The following FARS2 variants were observed in gnomAD, a reference collection of about 807,000 sequenced individuals.
FARS2 encodes phenylalanine--tRNA ligase, mitochondrial.
A neutral mutation model predicts 46.4 loss-of-function variants in FARS2; 40 were observed. That is an observed-to-expected ratio of 0.86 (90% CI 0.67 to 1.12). The LOEUF (loss-of-function observed/expected upper bound fraction) is 1.12. FARS2 is among the 50% of genes most tolerant of loss of function. FARS2 has a pLI of 0.00. For missense variants in FARS2, 513 were observed against 567.9 expected (o/e 0.90, Z 0.98); for synonymous variants, 234 against 214.9 (o/e 1.09, Z -0.78).
chr6:5,291,786 G>A (rs568876703), intron 1 of FARS2, among the ~76,000 whole-genome samples: 16 of 151,838 alleles, frequency 1.1e-4, no homozygotes, highest in African/African-American at 3.9e-4. Flanking sequence ...ATTAAATATT[G>A]AATATATTTA....
At chr6:5,317,960 A>C (rs1273416986) in intron 1 of FARS2, among the ~76,000 whole-genome samples, 1 of 151,960 alleles carries the variant, frequency 6.6e-6, no homozygotes, top group Non-Finnish European at 1.5e-5. Flanking sequence ...GGAAAGGAGC[A>C]ACATATAGGC....
intron 6 of FARS2, among the ~76,000 whole-genome samples, chr6:5,694,636 T>G (rs1309941558): frequency 4.6e-5 from 7 of 152,152 alleles, no homozygotes; most frequent in African/African-American, 1.7e-4. Context: ...TATATTTCTC[T>G]CTATGTTCTA....
At chr6:5,469,374 C>T (rs1037658940) in intron 4 of FARS2, among the ~76,000 whole-genome samples, 27 of 152,370 alleles carry the variant, frequency 1.8e-4, no homozygotes, top group African/African-American at 6.3e-4. Context: ...ACTTCATATC[C>T]CTGCTGTGTG....
chr6:5,641,575 G>A (rs1249914308), intron 6 of FARS2, among the ~76,000 whole-genome samples: 17 of 152,180 alleles, frequency 1.1e-4, no homozygotes, highest in South Asian at 6.2e-4. Context: ...AGGATTACAG[G>A]CGTGAGCCAT....
intron 2 of FARS2, among the ~76,000 whole-genome samples, chr6:5,382,907 G>A (rs1759880688): frequency 6.6e-6 from 1 of 152,352 alleles, no homozygotes; most frequent in South Asian, 2.1e-4. Flanking sequence ...TACAGGGACA[G>A]TGAAGTAGAG....
intron 6 of FARS2, among the ~76,000 whole-genome samples, chr6:5,656,555 T>C (rs550833440): frequency 2.2e-4 from 33 of 149,846 alleles, no homozygotes; most frequent in African/African-American, 7.9e-4. Flanking sequence ...ACCTTGTTCT[T>C]TGTTTTTTTT....
intron 1 of FARS2, among the ~76,000 whole-genome samples, chr6:5,317,690 G>T (rs1314099873): frequency 6.6e-6 from 1 of 151,768 alleles, no homozygotes; most frequent in Non-Finnish European, 1.5e-5. Context: ...GGAGGCGGGA[G>T]AATCTCTTGA....
At chr6:5,456,730 C>CAAAAAAAA (rs11393453) in intron 4 of FARS2, among the ~76,000 whole-genome samples, 8,422 of 69,066 alleles carry the variant, frequency 0.12, 998 homozygotes, top group East Asian at 0.24. Context: ...GACTCCATCT[C>CAAAAAAAA]AAAAAAAAAA....
At chr6:5,726,289 T>C (rs1760251390) in intron 6 of FARS2, among the ~76,000 whole-genome samples, 2 of 152,110 alleles carry the variant, frequency 1.3e-5, no homozygotes. Context: ...GGGAAGGAAT[T>C]TGCAGCGCCT....
At position 5,534,876 on chromosome 6, in the gene FARS2, G is replaced by C. The variant is rs558233195; in HGVS notation, c.905-10304G>C. ...TTGCACGCGCACACACACACACACA[G>C]AGACTGAGAGAGAGAATTGCTGGGT... is the stretch of plus-strand genomic sequence containing the variant. On this transcript the variant is annotated intron_variant, in intron 4 of 6. Transcript: ENST00000274680. Among the ~76,000 whole-genome samples the C allele has an allele frequency of 4.1e-3, 506 of 124,010 alleles. 6 individuals carry two copies. The highest frequency in any genetic ancestry group is 0.013 in the African/African-American group (453 of 35,252). 81.4% of individuals were successfully genotyped at this position (124,010 alleles called of 152,430 possible). A position where few individuals can be genotyped will look rare whatever the true frequency, so the allele number is the denominator to read the frequency against.
chr6:5,714,733 C>G (rs541367749), intron 6 of FARS2, among the ~76,000 whole-genome samples: 1 of 152,110 alleles, frequency 6.6e-6, no homozygotes, highest in East Asian at 1.9e-4. Context: ...AGTAATAAAA[C>G]TTCACATCCG....
chr6:5,489,318 A>G (rs412538), intron 4 of FARS2, among the ~76,000 whole-genome samples: 133,891 of 152,002 alleles, frequency 0.88, 59,353 homozygotes, highest in East Asian at 1. Flanking sequence ...GCCAGGCGTG[A>G]TGGTGCACGC....
intron 1 of FARS2, among the ~76,000 whole-genome samples, chr6:5,296,376 C>T (rs571620143): frequency 1.6e-3 from 250 of 152,128 alleles, no homozygotes; most frequent in Admixed American, 3.3e-3. Flanking sequence ...CTCCTGACCT[C>T]GTGATCCGCC....
intron 4 of FARS2, among the ~76,000 whole-genome samples, chr6:5,457,680 G>T (rs1764978757): frequency 6.6e-6 from 1 of 152,156 alleles, no homozygotes; most frequent in Non-Finnish European, 1.5e-5. Context: ...GAAATAAACA[G>T]AATTTAATTC....
intron 5 of FARS2, among the ~76,000 whole-genome samples, chr6:5,577,821 A>G (rs779949062): frequency 1.5e-4 from 23 of 151,572 alleles, no homozygotes; most frequent in Non-Finnish European, 2.8e-4. Context: ...ATTTTTTGAG[A>G]GATGGAGTCT....
At chr6:5,375,255 A>C (rs1478847355) in intron 2 of FARS2, among the ~76,000 whole-genome samples, 1 of 152,190 alleles carries the variant, frequency 6.6e-6, no homozygotes, top group East Asian at 1.9e-4. Context: ...AGAAAAATTA[A>C]TGTTTTTATC....
At chr6:5,688,968 G>C (rs1375467987) in intron 6 of FARS2, among the ~76,000 whole-genome samples, 7 of 152,196 alleles carry the variant, frequency 4.6e-5, no homozygotes, top group East Asian at 1.9e-4. Context: ...ATTGCTTCTA[G>C]ATTTTCTAGT....
intron 6 of FARS2, among the ~76,000 whole-genome samples, chr6:5,645,056 G>A (rs913689754): frequency 3.9e-5 from 6 of 152,194 alleles, no homozygotes; most frequent in South Asian, 4.1e-4. Flanking sequence ...TGTGTGAAAG[G>A]CCAGCTAACC....
At chr6:5,473,292 C>T (rs990010141) in intron 4 of FARS2, among the ~76,000 whole-genome samples, 8 of 151,310 alleles carry the variant, frequency 5.3e-5, no homozygotes, top group Non-Finnish European at 8.8e-5. Context: ...TTTGGGAGGC[C>T]GAGGTGGGTG....
Sources: gnomAD v4.1 joint callset for allele counts (sites outside exome capture counted in the v4.1 genomes callset) on GRCh38, gnomAD v4.1.1 for gene constraint, MANE v1.5 for transcripts, NCBI Gene and HGNC (gene_info 2026-07-23, HGNC 2026-07-21) for gene names.